Variants in ZNF638 observed in about 807,000 individuals in gnomAD.
ZNF638 encodes the protein zinc finger protein 638, also known as CTCL tumor antigen se33-1.
Under a neutral mutation model 195.6 loss-of-function variants are expected in ZNF638, and 46 were observed. The ratio of observed to expected loss-of-function variants is 0.24; its 90% CI spans 0.19 to 0.30. The LOEUF (loss-of-function observed/expected upper bound fraction) is 0.30, where lower values mean the gene tolerates loss of function less well. Among genes scored for constraint, ZNF638 ranks in the 10% least tolerant of loss-of-function variants. The probability of loss-of-function intolerance (pLI) is 1.00; values close to 1 mark genes in which losing one functional copy is unlikely to be tolerated. For synonymous variants in ZNF638, 845 were observed against 772.0 expected (o/e 1.09, Z -1.57); for missense variants, 2,440 against 2,325.3 (o/e 1.05, Z -1.01).
intron 8 of ZNF638, among the ~76,000 whole-genome samples, chr2:71,379,268 A>G (rs1006142327): frequency 1.3e-5 from 2 of 152,206 alleles, no homozygotes; most frequent in East Asian, 3.8e-4. Flanking sequence ...TTGCAGTTTC[A>G]GTGGTCAGTT....
At chr2:71,335,767 G>A (rs1012198586) in intron 1 of ZNF638, among the ~76,000 whole-genome samples, 1 of 152,066 alleles carries the variant, frequency 6.6e-6, no homozygotes, top group Non-Finnish European at 1.5e-5. Context: ...CATATTACAC[G>A]TAAAACAACA....
chr2:71,344,001 G>C (rs147148494), intron 1 of ZNF638, among the ~76,000 whole-genome samples: 1 of 152,146 alleles, frequency 6.6e-6, no homozygotes, highest in Non-Finnish European at 1.5e-5. Flanking sequence ...GTGGTGGCAC[G>C]CACCTGTAGT....
At chr2:71,403,334 G>A (rs981675759) in intron 16 of ZNF638, among the ~76,000 whole-genome samples, 3 of 151,958 alleles carry the variant, frequency 2.0e-5, no homozygotes, top group Non-Finnish European at 2.9e-5. Flanking sequence ...TCAAATATAT[G>A]GAAGAAGTTT....
At chr2:71,408,709 C>T in intron 20 of ZNF638, 1 of 448,594 alleles carries the variant, frequency 2.2e-6, no homozygotes, top group Non-Finnish European at 4.5e-6. Context: ...ATGGATAGTC[C>T]ACCTTTGAAA....
intron 10 of ZNF638, chr2:71,395,409 T>G: frequency 1.5e-6 from 1 of 656,942 alleles, no homozygotes; most frequent in South Asian, 1.7e-5. Context: ...GACGCAAACC[T>G]TCTTGGAAGT....
At chr2:71,354,483 C>A (rs2078990960) in intron 2 of ZNF638, among the ~76,000 whole-genome samples, 1 of 151,940 alleles carries the variant, frequency 6.6e-6, no homozygotes, top group African/African-American at 2.4e-5. Flanking sequence ...GCCTGTAATC[C>A]TAACACTTTT....
At chr2:71,391,718 T>A (rs1236369830) in intron 10 of ZNF638, among the ~76,000 whole-genome samples, 1 of 152,196 alleles carries the variant, frequency 6.6e-6, no homozygotes, top group Non-Finnish European at 1.5e-5. Context: ...CTGGGTGATA[T>A]TAACTGGCAT....
chr2:71,423,522 T>C lies in ZNF638; in HGVS notation c.4008T>C (p.Gly1336=). The part of the protein sequence containing the change: ...IGTEKAEKNE[G]RMDAEKVEKM... ...CAGAGAAGGCTGAAAAGAATGAAGG[T>C]AGGATGGATGCAGAAAAGGTGGAAA... The change falls in exon 22 of 28, where the codon GGT becomes GGC. Residue 1336 remains glycine, a synonymous_variant. Transcript: ENST00000264447. The C allele has an allele frequency of 6.2e-7, 1 of 1,613,570 alleles. No individual in the cohort carries two copies. The highest frequency in any genetic ancestry group is 8.5e-7 in the Non-Finnish European group (1 of 1,179,918).
In ZNF638 at chr2:71,405,666, T is replaced by C. The variant is rs562449403; in HGVS notation, c.3000+24T>C. The C allele has an allele frequency of 1.8e-5, 26 of 1,462,078 alleles. No individual in the cohort carries two copies. In the South Asian group the frequency reaches 3.2e-4, roughly 18 times the overall value. The allele number at this position is 1,462,078 out of a possible 1,614,324, so 90.6% of individuals were successfully genotyped here. Reference sequence around the variant, plus strand: ...AGGTAAGTTTTGCATTTAAATGCTTTTGTATACTTATTTAATTGATGGAAA... The same window carrying C: ...AGGTAAGTTTTGCATTTAAATGCTTCTGTATACTTATTTAATTGATGGAAA... On this transcript the variant is annotated intron_variant, in intron 18 of 27. Transcript: ENST00000264447.
In ZNF638 at chr2:71,400,165, A is replaced by G; in HGVS notation, c.2641A>G (p.Lys881Glu). ...AGTCAAAGCCACTGAAAACTGTGCT[A>G]AAGAAGCTATTTCTGGTAGGTCAAT... is the stretch of plus-strand genomic sequence containing the variant. ...IEVKATENCA[K>E]EAISDAALEA... The change falls in exon 14 of 28, where the codon AAA (lysine) becomes GAA (glutamate). Residue 881 changes from lysine to glutamate, a missense_variant. By Grantham distance (56) the Lys-to-Glu change is moderately conservative (BLOSUM62 1). Coordinates refer to ENST00000264447, the MANE Select transcript of ZNF638 (RefSeq NM_014497.5). The G allele has an allele frequency of 6.2e-7, 1 of 1,606,702 alleles. No individual in the cohort carries two copies. Among genetic ancestry groups the G allele is most frequent in the Non-Finnish European group, 8.5e-7 (1 of 1,177,076 alleles).
intron 20 of ZNF638, among the ~76,000 whole-genome samples, chr2:71,409,258 A>G (rs975901986): frequency 3.9e-5 from 6 of 152,192 alleles, no homozygotes; most frequent in Non-Finnish European, 7.4e-5. Context: ...GCTTATTTGT[A>G]ACAGTTTTTA....
intron 12 of ZNF638, among the ~76,000 whole-genome samples, 198 bp downstream of exon 12, chr2:71,398,970 T>A (rs1286375133): frequency 6.6e-6 from 1 of 152,180 alleles, no homozygotes; most frequent in Admixed American, 6.5e-5. Flanking sequence ...ATCACATATA[T>A]ATAAAGCTAT....
At chr2:71,335,398 T>A (rs577740007) in intron 1 of ZNF638, among the ~76,000 whole-genome samples, 36 of 152,374 alleles carry the variant, frequency 2.4e-4, no homozygotes, top group South Asian at 4.1e-4. Context: ...TTTAATTCTT[T>A]TGAACCAAAA....
chr2:71,395,832 T>A (rs944752640), intron 10 of ZNF638: 4 of 453,552 alleles, frequency 8.8e-6, no homozygotes, highest in Non-Finnish European at 1.6e-5. Context: ...TTTGACTTGA[T>A]ATATTGTGTG....
Position 71,349,914 on chromosome 2 carries a change from C to T in ZNF638, c.960C>T (p.Ser320=). The change falls in exon 2 of 28, where the codon AGC becomes AGT. Residue 320 remains serine (S), a synonymous_variant. Coordinates refer to ENST00000264447, the MANE Select transcript of ZNF638 (RefSeq NM_014497.5). ...SVNQSINQTV[S]QTMSQSLIPP... is the part of the protein sequence containing the mutation. ...ACCAATCCATTAACCAAACAGTTAG[C>T]CAGACAATGAGTCAATCTCTGATTC... 6.2e-7 allele frequency: 1 copy of T among 1,614,196 alleles called. No individual in the cohort carries two copies. Among genetic ancestry groups the T allele is most frequent in the Non-Finnish European group, 8.5e-7 (1 of 1,180,036 alleles).
At chr2:71,434,670 CAGTAGATA>C in intron 27 of ZNF638, 64 bp from the exon 28 acceptor site, 1 of 1,211,564 alleles carries the variant, frequency 8.3e-7, no homozygotes, top group Non-Finnish European at 1.2e-6. Context: ...TATAAATATA[CAGTAGATA>C]AGTTTGCACA....
intron 1 of ZNF638, among the ~76,000 whole-genome samples, chr2:71,340,307 C>T (rs1407948741): frequency 6.6e-6 from 1 of 152,142 alleles, no homozygotes. Flanking sequence ...TTGTGGCACC[C>T]TCAGAATTGT....
At chr2:71,381,644 TTAAAGAG>T (rs1353804071) in intron 10 of ZNF638, among the ~76,000 whole-genome samples, 1 of 152,144 alleles carries the variant, frequency 6.6e-6, no homozygotes, top group Non-Finnish European at 1.5e-5. Flanking sequence ...ATGTGTCATG[TTAAAGAG>T]TAATTTCTGA....
chr2:71,405,527 TA>T, intron 17 of ZNF638, 73 bp from the exon 18 acceptor site: 1 of 928,144 alleles, frequency 1.1e-6, no homozygotes, highest in Non-Finnish European at 1.7e-6. Flanking sequence ...TGTCATGTTA[TA>T]AATCTTAACT....
Sources: allele counts gnomAD v4.1 joint callset (sites outside exome capture counted in the v4.1 genomes callset), GRCh38; gene constraint gnomAD v4.1.1; transcripts MANE v1.5; gene names NCBI Gene and HGNC (gene_info 2026-07-23, HGNC 2026-07-21).